Variants in CNTN1 observed in about 807,000 individuals in gnomAD.
CNTN1 encodes contactin 1, also known as contactin-1.
In CNTN1, 38 loss-of-function variants were observed where a neutral mutation model predicts 126.4. The observed-to-expected ratio is 0.30, with a 90% confidence interval of 0.23 to 0.39. CNTN1 has a LOEUF of 0.39. CNTN1 is among the 10% of genes least tolerant of loss of function. The pLI is 1.00. For missense variants in CNTN1, 1,009 were observed against 1,248.4 expected (o/e 0.81, Z 2.89); for synonymous variants, 413 against 422.6 (o/e 0.98, Z 0.28).
Position 41,013,339 on chromosome 12 carries a change from A to G in CNTN1, c.2114-889A>G, listed in dbSNP as rs190729430. 3.4e-3 allele frequency among the ~76,000 whole-genome samples: 522 copies of G among 152,202 alleles called. 2 individuals are homozygous for G. The highest frequency in any genetic ancestry group is 0.012 in the African/African-American group (488 of 41,542). ...CCGGCATTCACCCGTTCAAGCTCCCAGCTTGCTTGTTTATGTCTGCAGCTC... is the reference window on the plus strand; with the variant it reads ...CCGGCATTCACCCGTTCAAGCTCCCGGCTTGCTTGTTTATGTCTGCAGCTC... On this transcript the variant is annotated intron_variant, in intron 17 of 23. Coordinates refer to ENST00000551295, the MANE Select transcript of CNTN1 (RefSeq NM_001843.4).
At chr12:40,719,695 G>A (rs965667622) in intron 1 of CNTN1, among the ~76,000 whole-genome samples, 1 of 152,174 alleles carries the variant, frequency 6.6e-6, no homozygotes, top group Non-Finnish European at 1.5e-5. Flanking sequence ...TACATAACAT[G>A]CTTGCTACAT....
chr12:40,855,151 T>C (rs12299167), intron 1 of CNTN1, among the ~76,000 whole-genome samples: 7,236 of 152,276 alleles, frequency 0.048, 381 homozygotes, highest in African/African-American at 0.14. Flanking sequence ...GAAATACTAA[T>C]GACCTAGTCT....
intron 1 of CNTN1, among the ~76,000 whole-genome samples, chr12:40,880,788 C>A (rs570545026): frequency 6.6e-6 from 1 of 152,040 alleles, no homozygotes; most frequent in East Asian, 1.9e-4. Context: ...TTGTTTTTAT[C>A]CTTCTCTTGA....
In CNTN1 at chr12:40,933,870, A is replaced by G; in HGVS notation, c.977A>G (p.Tyr326Cys). Residue 326 changes from tyrosine (Y) to cysteine (C), a missense_variant, in exon 9 of 24, where the codon TAT becomes TGT. Coordinates refer to ENST00000551295, the MANE Select transcript of CNTN1 (RefSeq NM_001843.4). ...AAGGATAAACATCAAGCAAGAATTT[A>G]TGTTCAAGGTAGATACATTATTTTA... is the stretch of plus-strand genomic sequence containing the variant. ...RGKDKHQARI[Y>C]VQAFPEWVEH... 1 of 1,610,598 alleles carries G rather than the reference A, an allele frequency of 6.2e-7. No individual in the cohort carries two copies. The highest frequency in any genetic ancestry group is 1.1e-5 in the South Asian group (1 of 90,990).
chr12:40,995,134 C>CT (rs1361734136), intron 17 of CNTN1, among the ~76,000 whole-genome samples: 1 of 151,946 alleles, frequency 6.6e-6, no homozygotes. Flanking sequence ...CAGAATTATC[C>CT]TTTTTTATCT....
chr12:40,781,468 C>G (rs977162014), intron 1 of CNTN1, among the ~76,000 whole-genome samples: 1 of 151,964 alleles, frequency 6.6e-6, no homozygotes, highest in African/African-American at 2.4e-5. Context: ...GTGAACTTTC[C>G]TCTCTTTTCC....
chr12:41,029,266 T>C, intron 23 of CNTN1, 47 bp downstream of exon 23: 1 of 1,607,548 alleles, frequency 6.2e-7, no homozygotes, highest in Non-Finnish European at 8.5e-7. Context: ...CTTGTGAGTT[T>C]CTAGACCCTG....
intron 15 of CNTN1, among the ~76,000 whole-genome samples, chr12:40,968,692 A>G (rs944008447): frequency 6.6e-6 from 1 of 152,204 alleles, no homozygotes; most frequent in Non-Finnish European, 1.5e-5. Context: ...GTGGTAGTAC[A>G]AGGACTGTTA....
chr12:41,034,152 TC>T (rs1294789218), intron 23 of CNTN1, among the ~76,000 whole-genome samples: 1 of 152,194 alleles, frequency 6.6e-6, no homozygotes. Context: ...AGGCATTTTT[TC>T]CATTTGATTT....
At chr12:40,938,893 C>A (rs1407218066) in intron 11 of CNTN1, among the ~76,000 whole-genome samples, 2 of 152,088 alleles carry the variant, frequency 1.3e-5, no homozygotes, top group Non-Finnish European at 2.9e-5. Flanking sequence ...TCCACCTCAG[C>A]CTCCTGGATA....
At position 40,948,339 on chromosome 12, in the gene CNTN1, C is replaced by T. The variant is rs562024507; in HGVS notation, c.1683+4169C>T. 1.2e-3 allele frequency among the ~76,000 whole-genome samples: 129 copies of T among 106,804 alleles called. No individual in the cohort carries two copies. The Middle Eastern group carries it at 0.026, about 22-fold the overall frequency. The allele number at this position is 106,804 out of a possible 152,430, so 70.1% of individuals were successfully genotyped here. A position where few individuals can be genotyped will look rare whatever the true frequency, so the allele number is the denominator to read the frequency against. On this transcript the variant is annotated intron_variant, in intron 14 of 23. Coordinates refer to ENST00000551295, the MANE Select transcript of CNTN1 (RefSeq NM_001843.4). Reference sequence around the variant, plus strand: ...CTTGCACTGCTTGCTGTGCTGGATACTTAGACTGAGACCAAAAAAAAAAAA... The same window carrying T: ...CTTGCACTGCTTGCTGTGCTGGATATTTAGACTGAGACCAAAAAAAAAAAA...
At chr12:40,696,873 T>C (rs895880756) in intron 1 of CNTN1, among the ~76,000 whole-genome samples, 2 of 152,236 alleles carry the variant, frequency 1.3e-5, no homozygotes, top group African/African-American at 2.4e-5. Context: ...TCTTCTAGTC[T>C]TATTTCTATT....
At chr12:40,753,675 C>T (rs903752734) in intron 1 of CNTN1, among the ~76,000 whole-genome samples, 7 of 152,012 alleles carry the variant, frequency 4.6e-5, no homozygotes, top group Admixed American at 1.3e-4. Context: ...TCCTATAACA[C>T]GTGGGGATTA....
chr12:40,934,418 G>A (rs1946009777), intron 9 of CNTN1, among the ~76,000 whole-genome samples: 1 of 149,828 alleles, frequency 6.7e-6, no homozygotes, highest in Admixed American at 6.6e-5. Flanking sequence ...AGAACCACTG[G>A]TTTAAGAAAT....
chr12:40,943,594 T>G lies in CNTN1; in HGVS notation c.1380-3T>G, dbSNP rs377142128. 6.4e-7 allele frequency: 1 copy of G among 1,558,010 alleles called. No individual in the cohort carries two copies. ...TGAATTATATATATTTTTATTTCAC[T>G]AGAATACTCATTTGGGAAGATGGTA... On this transcript the variant is annotated splice_polypyrimidine_tract_variant and splice_region_variant and intron_variant, in intron 12 of 23. Coordinates refer to ENST00000551295, the MANE Select transcript of CNTN1 (RefSeq NM_001843.4).
At chr12:40,932,366 C>T (rs1945918134) in intron 7 of CNTN1, among the ~76,000 whole-genome samples, 1 of 151,370 alleles carries the variant, frequency 6.6e-6, no homozygotes, top group South Asian at 2.1e-4. Flanking sequence ...TTTCCCTTTG[C>T]TCTTCCTTAA....
intron 1 of CNTN1, among the ~76,000 whole-genome samples, chr12:40,868,405 G>T (rs1455798234): frequency 6.6e-6 from 1 of 152,126 alleles, no homozygotes; most frequent in Non-Finnish European, 1.5e-5. Context: ...TGGGAGCAGA[G>T]ATTCAGGTTG....
At chr12:40,710,486 T>A (rs1245655920) in intron 1 of CNTN1, among the ~76,000 whole-genome samples, 1 of 152,108 alleles carries the variant, frequency 6.6e-6, no homozygotes, top group Non-Finnish European at 1.5e-5. Context: ...AGATAAGAAG[T>A]GAGCTCATGC....
At chr12:40,894,737 A>T (rs1286015662) in intron 1 of CNTN1, among the ~76,000 whole-genome samples, 1 of 152,188 alleles carries the variant, frequency 6.6e-6, no homozygotes, top group Non-Finnish European at 1.5e-5. Flanking sequence ...AAAATAGATA[A>T]TATATAATGC....
Sources: gnomAD v4.1 joint callset for allele counts (sites outside exome capture counted in the v4.1 genomes callset) on GRCh38, gnomAD v4.1.1 for gene constraint, MANE v1.5 for transcripts, NCBI Gene and HGNC (gene_info 2026-07-23, HGNC 2026-07-21) for gene names.